The following CARMIL1 variants were observed in gnomAD, a reference collection of about 807,000 sequenced individuals.
CARMIL1 encodes the protein F-actin-uncapping protein LRRC16A.
Under a neutral mutation model 177.1 loss-of-function variants are expected in CARMIL1, and 90 were observed. The observed-to-expected ratio is 0.51, with a 90% CI of 0.43 to 0.61. CARMIL1 has a LOEUF of 0.61. Ranked by LOEUF, CARMIL1 falls within the 20% of genes least tolerant of loss-of-function variation. CARMIL1 has a pLI of 0.00. For synonymous variants in CARMIL1, 577 were observed against 606.2 expected, an observed-to-expected ratio of 0.95 and a Z score of 0.71; for missense variants, 1,380 against 1,667.0, an observed-to-expected ratio of 0.83 and a Z score of 3.00.
At chr6:25,291,608 C>T (rs762523823) in intron 2 of CARMIL1, among the ~76,000 whole-genome samples, 1 of 152,124 alleles carries the variant, frequency 6.6e-6, no homozygotes. Flanking sequence ...GCAACATCAG[C>T]CTTGGCCAGT....
intron 2 of CARMIL1, among the ~76,000 whole-genome samples, chr6:25,306,742 G>T (rs573252070): frequency 6.6e-6 from 1 of 152,198 alleles, no homozygotes; most frequent in South Asian, 2.1e-4. Context: ...GAATACTATT[G>T]TGAACATTAC....
At chr6:25,488,301 A>G (rs1802868413) in intron 12 of CARMIL1, among the ~76,000 whole-genome samples, 181 bp from the exon 13 acceptor site, 1 of 152,142 alleles carries the variant, frequency 6.6e-6, no homozygotes. Flanking sequence ...TCTTTGACCA[A>G]CCTGTTCTTC....
At chr6:25,377,048 A>T (rs1791057872) in intron 2 of CARMIL1, among the ~76,000 whole-genome samples, 1 of 152,140 alleles carries the variant, frequency 6.6e-6, no homozygotes, top group African/African-American at 2.4e-5. Flanking sequence ...ATAGAAAGGG[A>T]TTGTGACTGT....
At chr6:25,464,419 A>T (rs754314221) in intron 8 of CARMIL1, among the ~76,000 whole-genome samples, 3 of 152,178 alleles carry the variant, frequency 2.0e-5, no homozygotes, top group Non-Finnish European at 4.4e-5. Flanking sequence ...GATGTAAACA[A>T]CAGTGACTCC....
intron 36 of CARMIL1, among the ~76,000 whole-genome samples, chr6:25,611,505 A>G (rs1816502479): frequency 6.7e-6 from 1 of 149,478 alleles, no homozygotes; most frequent in Non-Finnish European, 1.5e-5. Context: ...TTCCTACCCT[A>G]ATTTTCCATC....
At chr6:25,340,165 T>G (rs1318149419) in intron 2 of CARMIL1, among the ~76,000 whole-genome samples, 1 of 148,974 alleles carries the variant, frequency 6.7e-6, no homozygotes, top group Admixed American at 6.7e-5. Flanking sequence ...GAAATTTGAT[T>G]GAGCATCTGA....
chr6:25,328,519 A>T (rs1785323502), intron 2 of CARMIL1, among the ~76,000 whole-genome samples: 1 of 152,092 alleles, frequency 6.6e-6, no homozygotes, highest in African/African-American at 2.4e-5. Flanking sequence ...TACTTGATTT[A>T]TTTACTGTTC....
chr6:25,356,118 C>T (rs1581669275), intron 2 of CARMIL1, among the ~76,000 whole-genome samples: 2 of 150,008 alleles, frequency 1.3e-5, no homozygotes, highest in African/African-American at 4.9e-5. Flanking sequence ...ACTGCAGTGG[C>T]ACAATCTCGG....
intron 2 of CARMIL1, among the ~76,000 whole-genome samples, chr6:25,349,170 A>G (rs2150352601): frequency 6.6e-6 from 1 of 152,326 alleles, no homozygotes; most frequent in African/African-American, 2.4e-5. Context: ...ACAGGGCTCC[A>G]TTCCACTGCA....
intron 2 of CARMIL1, among the ~76,000 whole-genome samples, chr6:25,320,745 T>C (rs1784608241): frequency 6.6e-6 from 1 of 152,212 alleles, no homozygotes; most frequent in Non-Finnish European, 1.5e-5. Flanking sequence ...GGGTGGACTT[T>C]GGCTTTTCCA....
At chr6:25,385,525 AC>A (rs1792064566) in intron 2 of CARMIL1, among the ~76,000 whole-genome samples, 1 of 152,202 alleles carries the variant, frequency 6.6e-6, no homozygotes, top group Non-Finnish European at 1.5e-5. Context: ...CTTACTATGG[AC>A]CATGCCCTGT....
intron 2 of CARMIL1, among the ~76,000 whole-genome samples, chr6:25,296,935 T>TC (rs11414122): frequency 0.26 from 35,228 of 136,108 alleles, 4,359 homozygotes; most frequent in East Asian, 0.37. Flanking sequence ...CTATCTATCT[T>TC]TAACTAACTA....
intron 8 of CARMIL1, chr6:25,452,590 C>T (rs1029651135): frequency 3.8e-4 from 66 of 172,360 alleles, no homozygotes; most frequent in African/African-American, 1.5e-3. Flanking sequence ...CAAACCATTA[C>T]GTACTAACAT....
intron 2 of CARMIL1, among the ~76,000 whole-genome samples, chr6:25,365,927 G>A (rs1202419132): frequency 1.3e-5 from 2 of 152,126 alleles, no homozygotes; most frequent in Non-Finnish European, 2.9e-5. Context: ...TTAGGAAACA[G>A]CAAAATGTGT....
chr6:25,368,590 A>G (rs886239199), intron 2 of CARMIL1, among the ~76,000 whole-genome samples: 7 of 152,346 alleles, frequency 4.6e-5, no homozygotes, highest in Admixed American at 3.3e-4. Context: ...ATAGAACCCC[A>G]GATGATTATG....
intron 8 of CARMIL1, among the ~76,000 whole-genome samples, chr6:25,463,260 G>A (rs1424529805): frequency 6.6e-6 from 1 of 152,096 alleles, no homozygotes; most frequent in East Asian, 1.9e-4. Flanking sequence ...GTCTATATTT[G>A]TTAGCATTTA....
chr6:25,316,346 G>C (rs1784267967), intron 2 of CARMIL1, among the ~76,000 whole-genome samples: 1 of 151,826 alleles, frequency 6.6e-6, no homozygotes, highest in African/African-American at 2.4e-5. Context: ...ATGGACAGCT[G>C]TTTCTCGGGG....
intron 36 of CARMIL1, among the ~76,000 whole-genome samples, chr6:25,611,643 T>C (rs1379265623): frequency 6.6e-6 from 1 of 152,216 alleles, no homozygotes; most frequent in Non-Finnish European, 1.5e-5. Flanking sequence ...TGTTCATCTA[T>C]CTTGTCTGAA....
intron 2 of CARMIL1, among the ~76,000 whole-genome samples, chr6:25,308,202 C>T (rs577325339): frequency 6.6e-6 from 1 of 152,272 alleles, no homozygotes; most frequent in South Asian, 2.1e-4. Flanking sequence ...TATAGCTGAG[C>T]TGAAACTTTC....
Sources: allele counts gnomAD v4.1 joint callset (sites outside exome capture counted in the v4.1 genomes callset), GRCh38; gene constraint gnomAD v4.1.1; transcripts MANE v1.5; gene names NCBI Gene and HGNC (gene_info 2026-07-23, HGNC 2026-07-21).